ARHGAP22: variants seen among roughly 807,000 people sequenced by gnomAD.
ARHGAP22 encodes rho GTPase-activating protein 22.
In ARHGAP22, 48 loss-of-function variants were observed where a neutral mutation model predicts 59.1. The ratio of observed to expected loss-of-function variants is 0.81; its 90% CI spans 0.64 to 1.03. The LOEUF (loss-of-function observed/expected upper bound fraction) is 1.03, where lower values mean the gene tolerates loss of function less well. ARHGAP22 is among the 50% of genes least tolerant of loss of function. ARHGAP22 has a pLI of 0.00. For missense variants in ARHGAP22, 1,015 were observed against 958.7 expected (o/e 1.06, Z -0.78); for synonymous variants, 445 against 416.4 (o/e 1.07, Z -0.84).
intron 2 of ARHGAP22, among the ~76,000 whole-genome samples, chr10:48,582,216 T>A (rs901643961): frequency 6.6e-6 from 1 of 152,194 alleles, no homozygotes; most frequent in African/African-American, 2.4e-5. Context: ...CTTGGACCCA[T>A]GACTAGAAGC....
chr10:48,512,357 C>T (rs2052866255), intron 3 of ARHGAP22, among the ~76,000 whole-genome samples: 2 of 152,368 alleles, frequency 1.3e-5, no homozygotes, highest in African/African-American at 2.4e-5. Flanking sequence ...CAGGAAATTG[C>T]ACCTCAACTT....
intron 2 of ARHGAP22, among the ~76,000 whole-genome samples, chr10:48,572,520 G>A (rs7358134): frequency 0.39 from 58,822 of 152,156 alleles, 12,814 homozygotes; most frequent in East Asian, 0.89. Context: ...TATAGGGCCT[G>A]CCTGCAATGC....
Position 48,450,662 on chromosome 10 carries a change from G to A in ARHGAP22, c.1467C>T (p.Leu489=). 6.4e-7 allele frequency: 1 copy of A among 1,550,464 alleles called. No individual in the cohort carries two copies. The highest frequency in any genetic ancestry group is 1.7e-4 in the Middle Eastern group (1 of 5,996). The part of the protein sequence containing the change: ...RLKDSGSVQR[L]STYDNVPAPG... ...GCGCGGGCACATTGTCGTAGGTGGA[G>A]AGTCTCTGCACGGAGCCCGAGTCCT... The change falls in exon 9 of 10, where the codon CTC becomes CTT. Residue 489 remains leucine (L), a synonymous_variant. Coordinates refer to ENST00000249601, the MANE Select transcript of ARHGAP22 (RefSeq NM_021226.4).
At chr10:48,443,169 C>G (rs912870400), downstream of ARHGAP22, among the ~76,000 whole-genome samples, 5 of 152,194 alleles carry the variant, frequency 3.3e-5, no homozygotes, top group Admixed American at 2.6e-4. Flanking sequence ...CTGCCTGCAG[C>G]TCTCTCCCTG....
the ARHGAP22 span, chr10:48,438,771 T>A: frequency 6.6e-6 from 1 of 152,242 alleles, no homozygotes; most frequent in African/African-American, 2.4e-5. Context: ...ATACCTTACA[T>A]CAGTAAGAGA....
chr10:48,561,992 C>G (rs1044884660), intron 2 of ARHGAP22, among the ~76,000 whole-genome samples: 2 of 152,120 alleles, frequency 1.3e-5, no homozygotes, highest in East Asian at 3.9e-4. Flanking sequence ...TTTGGGGGGC[C>G]GAGGTGGGCA....
rs2045765704 is a variant in ARHGAP22 at position 48,450,201 on chromosome 10, G to A, written c.1868+60C>T. 5 of 1,569,318 alleles carry A rather than the reference G, an allele frequency of 3.2e-6. No homozygotes were observed. In the Admixed American group the frequency reaches 9.2e-5, roughly 29 times the overall value. On this transcript the variant is annotated intron_variant, in intron 9 of 9. Transcript: ENST00000249601. ...AGGGGCCGACGCCCATGTGCCAAGAGCACGGCTCTCCCTGCAGGCTCCGCC... is the reference window on the plus strand; with the variant it reads ...AGGGGCCGACGCCCATGTGCCAAGAACACGGCTCTCCCTGCAGGCTCCGCC...
intron 1 of ARHGAP22, among the ~76,000 whole-genome samples, chr10:48,642,257 C>CA (rs1235870429): frequency 1.3e-5 from 2 of 152,132 alleles, no homozygotes; most frequent in African/African-American, 4.8e-5. Flanking sequence ...CATATGGAAA[C>CA]AAAAAAGAGC....
the ARHGAP22 span, among the ~76,000 whole-genome samples, chr10:48,434,558 A>G: frequency 2.6e-5 from 4 of 152,220 alleles, no homozygotes; most frequent in Non-Finnish European, 5.9e-5. Context: ...AGCAGTATTC[A>G]CACATACCCT....
intron 1 of ARHGAP22, among the ~76,000 whole-genome samples, chr10:48,587,760 C>T (rs1359504173): frequency 2.0e-5 from 3 of 151,052 alleles, no homozygotes; most frequent in Non-Finnish European, 4.4e-5. Context: ...TCTATTACAA[C>T]AAGGCCTGAA....
At chr10:48,564,943 G>A (rs895942994) in intron 2 of ARHGAP22, among the ~76,000 whole-genome samples, 4 of 152,158 alleles carry the variant, frequency 2.6e-5, no homozygotes, top group South Asian at 2.1e-4. Flanking sequence ...CCAGAACACC[G>A]GATGGTCTGG....
In ARHGAP22 at chr10:48,580,023, G is replaced by T. The variant is rs115396423; in HGVS notation, c.234+2930C>A. Among the ~76,000 whole-genome samples, 386 of 152,274 alleles carry T rather than the reference G, an allele frequency of 2.5e-3. 2 individuals carry two copies. The highest frequency in any genetic ancestry group is 8.9e-3 in the African/African-American group (369 of 41,556). On this transcript the variant is annotated intron_variant, in intron 2 of 9. Transcript: ENST00000249601. Reference sequence around the variant, plus strand: ...CCATAGAAGCCAGGCTTTGTTGGGGGAAATGGGAAGAAGTTTTATTGTCCC... The same window carrying T: ...CCATAGAAGCCAGGCTTTGTTGGGGTAAATGGGAAGAAGTTTTATTGTCCC...
At chr10:48,541,822 G>A (rs1369289944) in intron 3 of ARHGAP22, among the ~76,000 whole-genome samples, 1 of 152,208 alleles carries the variant, frequency 6.6e-6, no homozygotes, top group African/African-American at 2.4e-5. Flanking sequence ...TTGGGACCCT[G>A]GCCTCGATCT....
At chr10:48,645,229 T>C (rs7081000) in intron 1 of ARHGAP22, among the ~76,000 whole-genome samples, 16,368 of 152,134 alleles carry the variant, frequency 0.11, 2,846 homozygotes, top group African/African-American at 0.37. Flanking sequence ...TTCACAACAT[T>C]TTTCAGAAAA....
chr10:48,563,615 T>A (rs954565124), intron 2 of ARHGAP22, among the ~76,000 whole-genome samples: 1 of 152,188 alleles, frequency 6.6e-6, no homozygotes. Flanking sequence ...AGGCATATCT[T>A]TCGGGGAGCC....
chr10:48,523,950 G>C, intron 3 of ARHGAP22: 1 of 1,004,994 alleles, frequency 1.0e-6, no homozygotes, highest in African/African-American at 1.7e-5. Context: ...AGCTGAGGCA[G>C]GTGCGGGCGG....
At chr10:48,615,875 A>G (rs2061060679) in intron 1 of ARHGAP22, among the ~76,000 whole-genome samples, 1 of 152,096 alleles carries the variant, frequency 6.6e-6, no homozygotes, top group Non-Finnish European at 1.5e-5. Flanking sequence ...AGAGAGACTC[A>G]AGAGCAGATC....
intron 3 of ARHGAP22, among the ~76,000 whole-genome samples, chr10:48,517,623 G>A (rs563198523): frequency 7.2e-4 from 110 of 152,254 alleles, no homozygotes; most frequent in African/African-American, 2.4e-3. Flanking sequence ...CCTCTCTGGA[G>A]CCATGAGAGC....
intron 2 of ARHGAP22, among the ~76,000 whole-genome samples, chr10:48,577,797 T>TAC (rs112029748): frequency 0.018 from 2,529 of 137,056 alleles, 88 homozygotes; most frequent in African/African-American, 0.061. Context: ...ACTGCTCTTT[T>TAC]TTGGTTTTTT....
Sources: allele counts gnomAD v4.1 joint callset (sites outside exome capture counted in the v4.1 genomes callset), GRCh38; gene constraint gnomAD v4.1.1; transcripts MANE v1.5; gene names NCBI Gene and HGNC (gene_info 2026-07-23, HGNC 2026-07-21).